The following ACOT1 variants were observed in gnomAD, a reference collection of about 807,000 sequenced individuals.
ACOT1 encodes acyl-coenzyme A thioesterase 1.
Under a neutral mutation model 15.7 loss-of-function variants are expected in ACOT1, and 8 were observed. That is an observed-to-expected ratio of 0.51 (90% CI 0.30 to 0.92). ACOT1 has a LOEUF of 0.92. ACOT1 is among the 40% of genes least tolerant of loss of function. The probability of loss-of-function intolerance (pLI) is 0.06; values close to 1 mark genes in which losing one functional copy is unlikely to be tolerated. For synonymous variants in ACOT1, 67 were observed against 241.2 expected, an observed-to-expected ratio of 0.28 and a Z score of 6.69; for missense variants, 151 against 539.4, an observed-to-expected ratio of 0.28 and a Z score of 7.13.
the ACOT1 span, among the ~76,000 whole-genome samples, chr14:73,501,273 C>A: frequency 6.6e-6 from 1 of 152,046 alleles, no homozygotes; most frequent in Non-Finnish European, 1.5e-5. Flanking sequence ...CGCCCACCAC[C>A]ACGCCTGGCT....
the ACOT1 span, among the ~76,000 whole-genome samples, chr14:73,528,306 C>T: frequency 1.6e-4 from 23 of 143,334 alleles, no homozygotes; most frequent in Admixed American, 1.6e-3. Flanking sequence ...GAGGCAGAAT[C>T]GCTTGAAGCT....
chr14:73,502,144 T>G, the ACOT1 span, among the ~76,000 whole-genome samples: 6 of 151,586 alleles, frequency 4.0e-5, no homozygotes, highest in Admixed American at 1.3e-4. Flanking sequence ...TCCTCCTGCT[T>G]CAGAGTCTCA....
intron 1 of ACOT1, among the ~76,000 whole-genome samples, chr14:73,538,803 A>G (rs1458408848): frequency 8.9e-6 from 1 of 112,590 alleles, no homozygotes; most frequent in Non-Finnish European, 1.9e-5. Context: ...CCCCGTCTCT[A>G]CTAAAAATAC....
At chr14:73,537,004 G>T (rs796426029), upstream of ACOT1, 70 of 121,766 alleles carry the variant, frequency 5.7e-4, 14 homozygotes, top group African/African-American at 1.8e-3. Context: ...TTTTTTCTGA[G>T]ACGGACTTTC....
chr14:73,513,083 C>T, the ACOT1 span, among the ~76,000 whole-genome samples: 2 of 152,210 alleles, frequency 1.3e-5, no homozygotes, highest in African/African-American at 2.4e-5. Context: ...CCATAGTCAA[C>T]TATGACATGG....
At chr14:73,521,834 C>A in the ACOT1 span, among the ~76,000 whole-genome samples, 1 of 152,200 alleles carries the variant, frequency 6.6e-6, no homozygotes, top group African/African-American at 2.4e-5. Flanking sequence ...GGATACATTT[C>A]TGGGAGCACC....
chr14:73,528,747 T>G, the ACOT1 span, among the ~76,000 whole-genome samples: 1 of 152,292 alleles, frequency 6.6e-6, no homozygotes, highest in South Asian at 2.1e-4. Context: ...AACTAAAATA[T>G]ATGTGTGAGG....
At chr14:73,496,517 T>A in the ACOT1 span, 31 of 795,710 alleles carry the variant, frequency 3.9e-5, no homozygotes, top group East Asian at 7.3e-5. Context: ...AAAAAGGGTA[T>A]GTACATGTTT....
At chr14:73,536,435 G>C (rs1403596855), upstream of ACOT1, among the ~76,000 whole-genome samples, 1 of 106,172 alleles carries the variant, frequency 9.4e-6, no homozygotes, top group Non-Finnish European at 2.0e-5. Flanking sequence ...TTTAGCCCAG[G>C]AGTTTGAGGC....
the ACOT1 span, chr14:73,522,816 G>T: frequency 3.1e-6 from 5 of 1,614,100 alleles, no homozygotes; most frequent in Non-Finnish European, 4.2e-6. Context: ...GGTTTCTGAG[G>T]CCGGGCCTTC....
chr14:73,492,099 G>T, the ACOT1 span: 6 of 1,613,880 alleles, frequency 3.7e-6, no homozygotes, highest in Non-Finnish European at 5.1e-6. This position sits in a 1 kb window ranked among gnomAD's most constrained non-coding sequence, Gnocchi z 4.9. Context: ...CGTGTATACC[G>T]ACCCCGAGTC....
the ACOT1 span, chr14:73,492,391 C>T: frequency 6.2e-7 from 1 of 1,613,858 alleles, no homozygotes; most frequent in Non-Finnish European, 8.5e-7. The surrounding 1 kb of genome is among the most constrained non-coding windows in gnomAD (Gnocchi z 4.9). Context: ...CCCGAGACTT[C>T]ATGGATTACA....
chr14:73,526,355 ACAGT>A, the ACOT1 span, among the ~76,000 whole-genome samples: 3 of 152,198 alleles, frequency 2.0e-5, no homozygotes, highest in African/African-American at 7.2e-5. Context: ...CATATGAGTG[ACAGT>A]CAGGTCACAA....
the ACOT1 span, chr14:73,495,332 A>G: frequency 2.1e-4 from 334 of 1,613,906 alleles, 1 homozygote; most frequent in Non-Finnish European, 2.7e-4. Context: ...TCCCATGACC[A>G]TCTCCAGCTT....
At chr14:73,496,081 G>A in the ACOT1 span, among the ~76,000 whole-genome samples, 1 of 152,106 alleles carries the variant, frequency 6.6e-6, no homozygotes, top group Non-Finnish European at 1.5e-5. Flanking sequence ...AGTGAGCCAA[G>A]ATCACACCAC....
At chr14:73,515,671 CAAAAAAAAA>C in the ACOT1 span, among the ~76,000 whole-genome samples, 4 of 33,514 alleles carry the variant, frequency 1.2e-4, no homozygotes, top group African/African-American at 3.0e-4. Flanking sequence ...GACTCCATCT[CAAAAAAAAA>C]AAAAAAAAAA....
chr14:73,507,140 T>C, the ACOT1 span, among the ~76,000 whole-genome samples: 30 of 152,158 alleles, frequency 2.0e-4, no homozygotes, highest in Admixed American at 2.0e-3. Flanking sequence ...AAATGATTTT[T>C]ATATGCCTCA....
the ACOT1 span, among the ~76,000 whole-genome samples, chr14:73,494,838 G>A: frequency 2.0e-5 from 3 of 152,260 alleles, no homozygotes; most frequent in East Asian, 1.9e-4. Context: ...TGAGAGTCCA[G>A]GTGTGCGCCA....
At chr14:73,522,192 G>T in the ACOT1 span, 1 of 1,417,032 alleles carries the variant, frequency 7.1e-7, no homozygotes, top group Non-Finnish European at 9.7e-7. Context: ...TTCTGAAATC[G>T]GGAGTGTGAG....
Sources: allele counts gnomAD v4.1 joint callset (sites outside exome capture counted in the v4.1 genomes callset), GRCh38; gene constraint gnomAD v4.1.1; non-coding constraint Gnocchi (gnomAD v3.1); transcripts MANE v1.5; gene names NCBI Gene and HGNC (gene_info 2026-07-23, HGNC 2026-07-21).